TACR3: variants seen among roughly 807,000 people sequenced by gnomAD.
TACR3 encodes neuromedin-K receptor.
Under a neutral mutation model 35.0 loss-of-function variants are expected in TACR3, and 34 were observed. The observed-to-expected ratio is 0.97, with a 90% CI of 0.74 to 1.30. The LOEUF (loss-of-function observed/expected upper bound fraction) is 1.30, where lower values mean the gene tolerates loss of function less well. Among genes scored for constraint, TACR3 ranks in the 50% most tolerant of loss-of-function variants. The pLI is 0.00. For synonymous variants in TACR3, 233 were observed against 221.1 expected (o/e 1.05, Z -0.48); for missense variants, 558 against 591.7 (o/e 0.94, Z 0.59).
chr4:103,680,504 C>T (rs1291970705), intron 1 of TACR3, among the ~76,000 whole-genome samples: 2 of 147,638 alleles, frequency 1.4e-5, no homozygotes, highest in Non-Finnish European at 3.0e-5. Context: ...TACACACACA[C>T]ACACACACAT....
At chr4:103,620,750 TG>T (rs1047766331) in intron 3 of TACR3, among the ~76,000 whole-genome samples, 2 of 151,700 alleles carry the variant, frequency 1.3e-5, no homozygotes, top group Non-Finnish European at 2.9e-5. Flanking sequence ...TACTGGAGGG[TG>T]GGGGTGGATT....
intron 1 of TACR3, among the ~76,000 whole-genome samples, chr4:103,710,501 G>C (rs1379815100): frequency 1.3e-5 from 2 of 152,068 alleles, no homozygotes; most frequent in Non-Finnish European, 2.9e-5. Context: ...TGTGTGTAGA[G>C]GGAAATTTAT....
intron 3 of TACR3, among the ~76,000 whole-genome samples, chr4:103,597,603 C>A (rs868385934): frequency 2.0e-5 from 3 of 151,858 alleles, no homozygotes; most frequent in South Asian, 2.1e-4. Flanking sequence ...ATCCCTCCCC[C>A]GTCCCCCCAC....
In TACR3 at chr4:103,695,827, T is replaced by C. The variant is rs554910727; in HGVS notation, c.548+23301A>G. 3.9e-5 allele frequency among the ~76,000 whole-genome samples: 6 copies of C among 152,158 alleles called. No homozygotes were observed. In the South Asian group the frequency reaches 1.0e-3, roughly 26 times the overall value. ...TGTTAAGAAATACTGTATATTGTAG[T>C]TCGCCAAGAATTCTATCAGGAATGG... On this transcript the variant is annotated intron_variant, in intron 1 of 4. Transcript: ENST00000304883.
At chr4:103,630,338 G>C (rs1407158934) in intron 3 of TACR3, among the ~76,000 whole-genome samples, 4 of 152,168 alleles carry the variant, frequency 2.6e-5, no homozygotes, top group Admixed American at 1.3e-4. Flanking sequence ...ATTGACAAAT[G>C]GGATCTAATT....
At chr4:103,664,342 A>G (rs1455151965) in intron 1 of TACR3, among the ~76,000 whole-genome samples, 1 of 152,138 alleles carries the variant, frequency 6.6e-6, no homozygotes, top group Non-Finnish European at 1.5e-5. Flanking sequence ...AAGCCTTTCC[A>G]ATTTTGTAAT....
At position 103,655,737 on chromosome 4, in the gene TACR3, A is replaced by T. The variant is rs75062907; in HGVS notation, c.888+457T>A. ...GAAAGTGAGAGAGAAATAAAAAGAGACGAGGGGATACAGGAAAGATAGATG... is the reference window on the plus strand; with the variant it reads ...GAAAGTGAGAGAGAAATAAAAAGAGTCGAGGGGATACAGGAAAGATAGATG... On this transcript the variant is annotated intron_variant, in intron 3 of 4. Transcript: ENST00000304883. 8.4e-3 allele frequency among the ~76,000 whole-genome samples: 1,271 copies of T among 152,150 alleles called. 14 individuals carry two copies. Among genetic ancestry groups the T allele is most frequent in the African/African-American group, 0.024 (1,018 of 41,566 alleles).
chr4:103,630,202 G>A (rs1488235324), intron 3 of TACR3, among the ~76,000 whole-genome samples: 3 of 152,162 alleles, frequency 2.0e-5, no homozygotes, highest in Non-Finnish European at 1.5e-5. Flanking sequence ...ATGGATTAAA[G>A]ACTTAAATGT....
At chr4:103,712,441 A>G (rs1722990210) in intron 1 of TACR3, among the ~76,000 whole-genome samples, 1 of 152,328 alleles carries the variant, frequency 6.6e-6, no homozygotes, top group South Asian at 2.1e-4. Context: ...CTGAAACTGG[A>G]TCCCTTCCTT....
At chr4:103,624,067 T>C (rs3796974) in intron 3 of TACR3, among the ~76,000 whole-genome samples, 90,408 of 152,030 alleles carry the variant, frequency 0.59, 28,469 homozygotes, top group African/African-American at 0.79. Flanking sequence ...CATACTTGAT[T>C]GTCTGCCTTT....
intron 4 of TACR3, 102 bp downstream of exon 4, chr4:103,591,385 C>G (rs1723889383): frequency 1.4e-6 from 2 of 1,415,614 alleles, no homozygotes; most frequent in African/African-American, 2.8e-5. Flanking sequence ...TTTTCCCTTC[C>G]TTCTGCATTT....
intron 3 of TACR3, among the ~76,000 whole-genome samples, chr4:103,629,405 C>T (rs1233853946): frequency 6.6e-6 from 1 of 152,054 alleles, no homozygotes; most frequent in African/African-American, 2.4e-5. Context: ...TGTCTCAGCC[C>T]AAAATCTCCT....
intron 3 of TACR3, among the ~76,000 whole-genome samples, chr4:103,634,289 G>A (rs944634089): frequency 2.0e-5 from 3 of 152,056 alleles, no homozygotes; most frequent in Non-Finnish European, 4.4e-5. Flanking sequence ...AACTTCAAAT[G>A]AGATAAATGT....
intron 1 of TACR3, among the ~76,000 whole-genome samples, chr4:103,685,976 TAC>T (rs1465405951): frequency 6.6e-6 from 1 of 152,166 alleles, no homozygotes; most frequent in Non-Finnish European, 1.5e-5. Context: ...GATAAACTCT[TAC>T]CTAGGGTATT....
At chr4:103,611,019 A>C (rs1329574221) in intron 3 of TACR3, among the ~76,000 whole-genome samples, 1 of 151,834 alleles carries the variant, frequency 6.6e-6, no homozygotes, top group East Asian at 1.9e-4. Flanking sequence ...TGCTTTCACT[A>C]TTTTTGTTTT....
rs542179185 is a variant in TACR3 at position 103,626,368 on chromosome 4, G to A, written c.888+29826C>T. Among the ~76,000 whole-genome samples, 8 of 152,206 alleles carry A rather than the reference G, an allele frequency of 5.3e-5. No individual in the cohort carries two copies. In the South Asian group the frequency reaches 1.7e-3, roughly 32 times the overall value. Reference sequence around the variant, plus strand: ...CTGGATCTTAGCTGTCAACCAAAAGGACGCTAAGACAAAAAAGCCTGTCCT... The same window carrying A: ...CTGGATCTTAGCTGTCAACCAAAAGAACGCTAAGACAAAAAAGCCTGTCCT... On this transcript the variant is annotated intron_variant, in intron 3 of 4. Coordinates refer to ENST00000304883, the MANE Select transcript of TACR3 (RefSeq NM_001059.3).
intron 1 of TACR3, among the ~76,000 whole-genome samples, chr4:103,682,125 T>A (rs1722108623): frequency 6.6e-6 from 1 of 152,138 alleles, no homozygotes; most frequent in Non-Finnish European, 1.5e-5. Context: ...ACAACACCTT[T>A]TAAATTCTTG....
At chr4:103,620,843 C>G (rs1477765697) in intron 3 of TACR3, among the ~76,000 whole-genome samples, 2 of 151,912 alleles carry the variant, frequency 1.3e-5, no homozygotes, top group Non-Finnish European at 2.9e-5. Context: ...CACAATATTC[C>G]TATACAACAA....
chr4:103,605,162 A>G (rs376328697), intron 3 of TACR3, among the ~76,000 whole-genome samples: 2 of 148,720 alleles, frequency 1.3e-5, no homozygotes, highest in African/African-American at 2.5e-5. Flanking sequence ...TGAACTCATC[A>G]TTTTTTATGG....
Sources: gnomAD v4.1 joint callset for allele counts (sites outside exome capture counted in the v4.1 genomes callset) on GRCh38, gnomAD v4.1.1 for gene constraint, MANE v1.5 for transcripts, NCBI Gene and HGNC (gene_info 2026-07-23, HGNC 2026-07-21) for gene names.